Variants in TRPV2 observed in about 807,000 individuals in gnomAD.
TRPV2 encodes the protein OTRPC2.
Under a neutral mutation model 91.0 loss-of-function variants are expected in TRPV2, and 58 were observed. That is an observed-to-expected ratio of 0.64 (90% CI 0.52 to 0.79). The LOEUF is 0.79. Among genes scored for constraint, TRPV2 ranks in the 30% least tolerant of loss-of-function variants. TRPV2 has a pLI of 0.00. For missense variants in TRPV2, 807 were observed against 969.6 expected, an observed-to-expected ratio of 0.83 and a Z score of 2.23; for synonymous variants, 417 against 414.8, an observed-to-expected ratio of 1.01 and a Z score of -0.06.
At chr17:16,420,719 G>A (rs981845716) in intron 3 of TRPV2, among the ~76,000 whole-genome samples, 6 of 152,174 alleles carry the variant, frequency 3.9e-5, no homozygotes, top group Non-Finnish European at 5.9e-5. Context: ...GGTAAACACA[G>A]TCTCTCATCC....
Position 16,434,878 on chromosome 17 carries a change from T to C in TRPV2, c.2115-12T>C, listed in dbSNP as rs774603349. On this transcript the variant is annotated splice_polypyrimidine_tract_variant and intron_variant, in intron 13 of 14. Coordinates refer to ENST00000338560, the MANE Select transcript of TRPV2 (RefSeq NM_016113.5). ...AAGCAGGCAAACCTCAGAGCTGCTCTGTTGCCCTCAGGGTGGAGGAGGTGA... is the reference window on the plus strand; with the variant it reads ...AAGCAGGCAAACCTCAGAGCTGCTCCGTTGCCCTCAGGGTGGAGGAGGTGA... 6.2e-7 allele frequency: 1 copy of C among 1,610,496 alleles called. No homozygotes were observed. The highest frequency in any genetic ancestry group is 1.7e-5 in the Admixed American group (1 of 59,560).
At chr17:16,433,388 G>A in intron 12 of TRPV2, 186 bp from the exon 13 acceptor site, 1 of 722,876 alleles carries the variant, frequency 1.4e-6, no homozygotes, top group South Asian at 1.8e-5. Context: ...GAGATGCAGA[G>A]AGGCTGAGGG....
At chr17:16,428,560 T>C in intron 9 of TRPV2, 173 bp downstream of exon 9, 1 of 768,296 alleles carries the variant, frequency 1.3e-6, no homozygotes, top group African/African-American at 1.7e-5. Flanking sequence ...TGGGGCCCCT[T>C]GTGCTCCCAT....
Position 16,435,213 on chromosome 17 carries a change from AC to A in TRPV2, c.2194+246del, listed in dbSNP as rs1297948651. On this transcript the variant is annotated intron_variant, in intron 14 of 14. Transcript: ENST00000338560. The surrounding 1 kb of genome is among the most constrained non-coding windows in gnomAD (Gnocchi z 4.2). ...AACCTCTGAGGCTGTTAGCGCTTCC[AC>A]CAGCCCAGCCTCTGGCTGCCCTCTC... Among the ~76,000 whole-genome samples, 4 of 152,084 alleles carry A rather than the reference AC, an allele frequency of 2.6e-5. No homozygotes were observed. The highest frequency in any genetic ancestry group is 6.5e-5 in the Admixed American group (1 of 15,276).
rs2093336731 is a variant in TRPV2 at position 16,417,547 on chromosome 17, T to G, written c.-107-15T>G. 9.5e-7 allele frequency: 1 copy of G among 1,053,500 alleles called. No individual in the cohort carries two copies. The highest frequency in any genetic ancestry group is 1.4e-6 in the Non-Finnish European group (1 of 714,006). 65.3% of individuals were successfully genotyped at this position (1,053,500 alleles called of 1,614,324 possible). On this transcript the variant is annotated splice_polypyrimidine_tract_variant and intron_variant, in intron 1 of 14. Transcript: ENST00000338560. ...CGCCCAGCCTTTTGCACTAACCTAATACCTCCTTTTGCAGGCTCCAGTCAG... is the reference window on the plus strand; with the variant it reads ...CGCCCAGCCTTTTGCACTAACCTAAGACCTCCTTTTGCAGGCTCCAGTCAG...
In TRPV2 at chr17:16,435,026, C is replaced by G; in HGVS notation, c.2194+57C>G. The G allele has an allele frequency of 6.7e-7, 1 of 1,494,446 alleles. No homozygotes were observed. The highest frequency in any genetic ancestry group is 9.1e-7 in the Non-Finnish European group (1 of 1,095,922). The allele number at this position is 1,494,446 out of a possible 1,614,324, so 92.6% of individuals were successfully genotyped here. On this transcript the variant is annotated intron_variant, in intron 14 of 14. Transcript: ENST00000338560. This position sits in a 1 kb window ranked among gnomAD's most constrained non-coding sequence, Gnocchi z 4.2. Reference sequence around the variant, plus strand: ...TGGGGTGTGTGTCTCTGCTGCTTGGCCACAAAGCCTTGGAGAGTCTGGGGC... The same window carrying G: ...TGGGGTGTGTGTCTCTGCTGCTTGGGCACAAAGCCTTGGAGAGTCTGGGGC...
At chr17:16,431,610 A>G (rs2093412944) in intron 10 of TRPV2, among the ~76,000 whole-genome samples, 174 bp from the exon 11 acceptor site, 1 of 152,016 alleles carries the variant, frequency 6.6e-6, no homozygotes, top group Non-Finnish European at 1.5e-5. Flanking sequence ...GATCTGAGAT[A>G]TATTTTTAAA....
At chr17:16,419,969 C>A in intron 2 of TRPV2, 146 bp from the exon 3 acceptor site, 1 of 1,178,932 alleles carries the variant, frequency 8.5e-7, no homozygotes, top group Non-Finnish European at 1.2e-6. Flanking sequence ...AGGATAGAGG[C>A]CCTCAGAAGG....
In TRPV2 at chr17:16,417,766, G is replaced by A. The variant is rs1351681054; in HGVS notation, c.98G>A (p.Gly33Glu). Reference sequence around the variant, plus strand: ...GCGGACAGAGGAAAGCTGGATTTTGGGAGCGGGCTGCCTCCCATGGAGTCA... The same window carrying A: ...GCGGACAGAGGAAAGCTGGATTTTGAGAGCGGGCTGCCTCCCATGGAGTCA... ...SEADRGKLDF[G>E]SGLPPMESQF... is the part of the protein sequence containing the mutation. Residue 33 changes from glycine (G) to glutamate (E), a missense_variant, in exon 2 of 15, where the codon GGG becomes GAG. Gly to Glu is a moderately conservative substitution (Grantham distance 98). Coordinates refer to ENST00000338560, the MANE Select transcript of TRPV2 (RefSeq NM_016113.5). The A allele has an allele frequency of 6.2e-6, 10 of 1,614,062 alleles. No individual in the cohort carries two copies. Among genetic ancestry groups the A allele is most frequent in the South Asian group, 1.1e-5 (1 of 91,092 alleles).
chr17:16,431,291 A>ATATATT (rs1333090555), intron 10 of TRPV2, among the ~76,000 whole-genome samples: 3 of 67,390 alleles, frequency 4.5e-5, no homozygotes, highest in African/African-American at 6.4e-5. Flanking sequence ...ATATATACAT[A>ATATATT]TTTTTTTTTT....
At chr17:16,424,495 C>T (rs895681671) in intron 5 of TRPV2, among the ~76,000 whole-genome samples, 4 of 151,986 alleles carry the variant, frequency 2.6e-5, no homozygotes, top group East Asian at 3.8e-4. Context: ...GGGGTTTCAC[C>T]ATGTTGGCCA....
intron 5 of TRPV2, among the ~76,000 whole-genome samples, chr17:16,424,148 C>T (rs1409513083): frequency 6.8e-6 from 1 of 146,910 alleles, no homozygotes; most frequent in African/African-American, 2.5e-5. Flanking sequence ...TGCCACCACA[C>T]CCAGCTAATT....
At position 16,426,358 on chromosome 17, in the gene TRPV2, C is replaced by G. The variant is rs970773260; in HGVS notation, c.1095+89C>G. ...ATTGGGGCTGCCTGCTGGACCATAT[C>G]TGCCCCATTCCTGTGCCAGTGGGGG... On this transcript the variant is annotated intron_variant, in intron 6 of 14. Coordinates refer to ENST00000338560, the MANE Select transcript of TRPV2 (RefSeq NM_016113.5). This position sits in a 1 kb window ranked among gnomAD's most constrained non-coding sequence, Gnocchi z 6.0. The G allele has an allele frequency of 1.3e-6, 2 of 1,482,100 alleles. No individual in the cohort carries two copies. The highest frequency in any genetic ancestry group is 3.9e-5 in the Admixed American group (2 of 51,524). 91.8% of individuals were successfully genotyped at this position (1,482,100 alleles called of 1,614,324 possible). A position where few individuals can be genotyped will look rare whatever the true frequency, so the allele number is the denominator to read the frequency against.
At chr17:16,418,686 C>G (rs544618135) in intron 2 of TRPV2, among the ~76,000 whole-genome samples, 102 of 152,208 alleles carry the variant, frequency 6.7e-4, no homozygotes, top group African/African-American at 2.4e-3. Flanking sequence ...CCGACACAGG[C>G]AGGACGGGCC....
chr17:16,421,548 G>T (rs2076851262), intron 3 of TRPV2, among the ~76,000 whole-genome samples: 1 of 122,866 alleles, frequency 8.1e-6, no homozygotes, highest in South Asian at 2.6e-4. Flanking sequence ...CCGAGACGGA[G>T]TCTTGCTCTG....
At chr17:16,432,849 G>A (rs1421688267) in intron 12 of TRPV2, among the ~76,000 whole-genome samples, 2 of 147,828 alleles carry the variant, frequency 1.4e-5, no homozygotes, top group Admixed American at 6.8e-5. Flanking sequence ...CTTGTTGCCC[G>A]GGCTGGAGTG....
intron 10 of TRPV2, among the ~76,000 whole-genome samples, chr17:16,430,469 T>C (rs951389061): frequency 6.6e-5 from 10 of 151,056 alleles, no homozygotes; most frequent in South Asian, 4.2e-4. Flanking sequence ...TGTTGTAGCA[T>C]GTGTCAGAAA....
rs762593858 is a variant in TRPV2, at chr17:16,417,777, C to T, written c.109C>T (p.Pro37Ser). The T allele has an allele frequency of 2.4e-5, 38 of 1,614,172 alleles. No homozygotes were observed. The South Asian group carries it at 4.1e-4, about 17-fold the overall frequency. ...AAAGCTGGATTTTGGGAGCGGGCTG[C>T]CTCCCATGGAGTCACAGTTCCAGGG... Reference protein sequence around the residue: ...RGKLDFGSGLPPMESQFQGED... With the variant: ...RGKLDFGSGLSPMESQFQGED... Residue 37 changes from proline (P) to serine (S), a missense_variant, in exon 2 of 15, where the codon CCT becomes TCT. Coordinates refer to ENST00000338560, the MANE Select transcript of TRPV2 (RefSeq NM_016113.5).
chr17:16,419,878 C>T (rs950031746), intron 2 of TRPV2, among the ~76,000 whole-genome samples: 1 of 152,232 alleles, frequency 6.6e-6, no homozygotes, highest in African/African-American at 2.4e-5. Context: ...TCTGTGATGA[C>T]TGGCGTCATG....
Sources: allele counts gnomAD v4.1 joint callset (sites outside exome capture counted in the v4.1 genomes callset), GRCh38; gene constraint gnomAD v4.1.1; non-coding constraint Gnocchi (gnomAD v3.1); transcripts MANE v1.5; gene names NCBI Gene and HGNC (gene_info 2026-07-23, HGNC 2026-07-21).